The following FRMPD4 variants were observed in gnomAD, a reference collection of about 807,000 sequenced individuals.
FRMPD4 encodes the protein FERM and PDZ domain-containing protein 4.
FRMPD4 carries 22 observed loss-of-function variants against 94.1 expected under a neutral mutation model. The observed-to-expected ratio is 0.23, with a 90% CI of 0.17 to 0.33. FRMPD4 has a LOEUF of 0.33. FRMPD4 is among the 10% of genes least tolerant of loss of function. The pLI is 1.00. For synonymous variants in FRMPD4, 631 were observed against 548.6 expected (o/e 1.15, Z -2.10); for missense variants, 1,111 against 1,339.9 (o/e 0.83, Z 2.67).
chrX:11,832,280 G>A (rs751700664), intron 1 of FRMPD4, among the ~76,000 whole-genome samples: 6 of 111,540 alleles, frequency 5.4e-5, no homozygotes, highest in Non-Finnish European at 9.4e-5. Context: ...GATTCCCATG[G>A]ATATATCTAA....
At chrX:11,952,181 C>T (rs1337175576) in intron 3 of FRMPD4, among the ~76,000 whole-genome samples, 1 of 112,348 alleles carries the variant, frequency 8.9e-6, no homozygotes, top group African/African-American at 3.2e-5. Flanking sequence ...ATGAATCAGC[C>T]CTTCTTTCAT....
intron 1 of FRMPD4, among the ~76,000 whole-genome samples, chrX:12,484,833 A>G (rs775540157): frequency 8.9e-6 from 1 of 112,173 alleles, no homozygotes; most frequent in Admixed American, 9.4e-5. Flanking sequence ...GTGGCCCTGG[A>G]GATAAATCAG....
intron 1 of FRMPD4, among the ~76,000 whole-genome samples, chrX:12,201,231 T>G: frequency 8.9e-6 from 1 of 112,826 alleles, no homozygotes; most frequent in East Asian, 2.8e-4. Flanking sequence ...CTATCTTTTC[T>G]GTTTTTCTGT....
At chrX:12,715,998 G>GCCGGGGGCCCCCCCCCCC in intron 14 of FRMPD4, 71 bp from the exon 15 acceptor site, 2 of 383,858 alleles carry the variant, frequency 5.2e-6, no homozygotes, top group East Asian at 4.2e-5. Context: ...ACAGAGACGA[G>GCCGGGGGCCCCCCCCCCC]CCTCCCACCC....
chrX:12,671,671 A>G (rs895160139), intron 4 of FRMPD4, among the ~76,000 whole-genome samples: 1 of 110,818 alleles, frequency 9.0e-6, no homozygotes, highest in Non-Finnish European at 1.9e-5. Context: ...CCACCATGGT[A>G]CGTGTATACC....
chrX:12,633,439 C>G (rs1602238243), intron 4 of FRMPD4, among the ~76,000 whole-genome samples: 1 of 111,794 alleles, frequency 8.9e-6, no homozygotes. Flanking sequence ...GATTAACCAC[C>G]AGAGGACCCT....
At chrX:12,672,000 A>T (rs867380683) in intron 4 of FRMPD4, among the ~76,000 whole-genome samples, 1 of 111,840 alleles carries the variant, frequency 8.9e-6, no homozygotes, top group Non-Finnish European at 1.9e-5. Context: ...TTCCAACTCC[A>T]CAAAATTCCT....
intron 3 of FRMPD4, among the ~76,000 whole-genome samples, chrX:12,610,741 C>G (rs778232464): frequency 1.4e-5 from 1 of 74,047 alleles, no homozygotes; most frequent in South Asian, 5.2e-4. Flanking sequence ...GAGTGAGACC[C>G]TGTCTCAAAA....
At chrX:12,186,539 C>T (rs953358105) in intron 1 of FRMPD4, among the ~76,000 whole-genome samples, 4 of 110,885 alleles carry the variant, frequency 3.6e-5, no homozygotes, top group South Asian at 7.6e-4. Flanking sequence ...TTTTTTATGA[C>T]GACAACATCA....
rs1042959710 is a variant in FRMPD4, at chrX:12,722,738, A to G, written c.*880A>G. The G allele has an allele frequency of 8.9e-6, 1 of 112,441 alleles. No homozygotes were observed. Among genetic ancestry groups the G allele is most frequent in the African/African-American group, 3.2e-5 (1 of 30,949 alleles). The allele number at this position is 112,441 out of a possible 1,213,427, so 9.3% of individuals were successfully genotyped here. On this transcript the variant is annotated 3_prime_UTR_variant, in exon 17 of 17. Coordinates refer to ENST00000675598, the MANE Select transcript of FRMPD4 (RefSeq NM_001368397.1). ...AAGACATTATCTTCCCCTCATCCCA[A>G]CTCAACTACGAAACTTAAAATTCCC...
At chrX:11,950,674 A>G (rs1245716827) in intron 3 of FRMPD4, among the ~76,000 whole-genome samples, 2 of 111,925 alleles carry the variant, frequency 1.8e-5, no homozygotes, top group Non-Finnish European at 3.8e-5. Context: ...CAACAAGCAT[A>G]TTTAAAAAGC....
At chrX:12,090,944 A>G (rs555699395) in intron 3 of FRMPD4, among the ~76,000 whole-genome samples, 4 of 112,079 alleles carry the variant, frequency 3.6e-5, no homozygotes, top group African/African-American at 1.3e-4. Flanking sequence ...CTTCTTTGGG[A>G]AGCTTTTTTT....
At chrX:12,665,811 C>T (rs760258340) in intron 4 of FRMPD4, among the ~76,000 whole-genome samples, 5 of 111,993 alleles carry the variant, frequency 4.5e-5, no homozygotes, top group Non-Finnish European at 7.5e-5. Context: ...ATACCAGCTA[C>T]TGCAAAACAT....
In FRMPD4 at chrX:12,508,645, C is replaced by A. The variant is rs191993631; in HGVS notation, c.158+9849C>A. ...TGGGCCATAAGGGAAAATGCTGATA[C>A]AAAAATCAGTGAGTATCTCTTCTTA... On this transcript the variant is annotated intron_variant, in intron 2 of 16. Coordinates refer to ENST00000675598, the MANE Select transcript of FRMPD4 (RefSeq NM_001368397.1). Among the ~76,000 whole-genome samples, 307 of 111,540 alleles carry A rather than the reference C, an allele frequency of 2.8e-3. 1 individual carries two copies. The highest frequency in any genetic ancestry group is 9.6e-3 in the African/African-American group (294 of 30,760).
rs1167621887 is a variant in FRMPD4 at position 12,479,464 on chromosome X, GTA to G, written c.42-19208_42-19207del. On this transcript the variant is annotated intron_variant, in intron 1 of 16. Transcript: ENST00000675598. ...CATATATGTATATATATGTATATAT[GTA>G]TATATATGTATATACATATATATAC... Among the ~76,000 whole-genome samples, 83 of 75,115 alleles carry G rather than the reference GTA, an allele frequency of 1.1e-3. 2 individuals are homozygous for G. The highest frequency in any genetic ancestry group is 3.4e-3 in the African/African-American group (77 of 22,380). The allele number at this position is 75,115 out of a possible 115,157, so 65.2% of individuals were successfully genotyped here.
At chrX:12,447,417 C>A (rs1361644546) in intron 1 of FRMPD4, among the ~76,000 whole-genome samples, 2 of 111,826 alleles carry the variant, frequency 1.8e-5, no homozygotes, top group African/African-American at 6.5e-5. Flanking sequence ...AATCACCAGT[C>A]TAAAGTAATG....
At chrX:12,255,161 A>G (rs1029562280) in intron 1 of FRMPD4, among the ~76,000 whole-genome samples, 4 of 111,844 alleles carry the variant, frequency 3.6e-5, no homozygotes, top group African/African-American at 6.5e-5. Flanking sequence ...ACTCCATCCA[A>G]TGTTGGGTCT....
At chrX:12,229,375 G>A (rs757502816) in intron 1 of FRMPD4, among the ~76,000 whole-genome samples, 115 of 111,848 alleles carry the variant, frequency 1.0e-3, no homozygotes, top group Non-Finnish European at 1.2e-3. Flanking sequence ...TTATGTCATA[G>A]GATGTTAGAT....
intron 1 of FRMPD4, among the ~76,000 whole-genome samples, chrX:12,477,658 A>AAT (rs2057620812): frequency 8.9e-6 from 1 of 112,323 alleles, no homozygotes; most frequent in African/African-American, 3.2e-5. Flanking sequence ...GATTTTTAAG[A>AAT]ATAATTCATA....
Sources: gnomAD v4.1 joint callset for allele counts (sites outside exome capture counted in the v4.1 genomes callset) on GRCh38, gnomAD v4.1.1 for gene constraint, MANE v1.5 for transcripts, NCBI Gene and HGNC (gene_info 2026-07-23, HGNC 2026-07-21) for gene names.